The following ARHGAP32 variants were observed in gnomAD, a reference collection of about 807,000 sequenced individuals.
ARHGAP32 encodes Rho GTPase activating protein 32.
A neutral mutation model predicts 186.5 loss-of-function variants in ARHGAP32; 51 were observed. The ratio of observed to expected loss-of-function variants is 0.27; its 90% CI spans 0.22 to 0.35. The LOEUF (loss-of-function observed/expected upper bound fraction) is 0.35. Among genes scored for constraint, ARHGAP32 ranks in the 10% least tolerant of loss-of-function variants. The probability of loss-of-function intolerance (pLI) is 1.00; values close to 1 mark genes in which losing one functional copy is unlikely to be tolerated. For synonymous variants in ARHGAP32, 950 were observed against 964.3 expected, an observed-to-expected ratio of 0.99 and a Z score of 0.27; for missense variants, 2,186 against 2,623.5, an observed-to-expected ratio of 0.83 and a Z score of 3.64.
chr11:129,126,098 C>A, intron 2 of ARHGAP32: 2 of 254,798 alleles, frequency 7.8e-6, no homozygotes, highest in Non-Finnish European at 1.6e-5. Context: ...CCCTATCATA[C>A]TAGAAAAAAA....
chr11:129,229,274 A>C (rs1247200459), intron 1 of ARHGAP32, among the ~76,000 whole-genome samples: 1 of 152,232 alleles, frequency 6.6e-6, no homozygotes, highest in Non-Finnish European at 1.5e-5. Flanking sequence ...GTACTGACAG[A>C]AAACCAAAGG....
rs1945275225 is a variant in ARHGAP32 at position 128,968,792 on chromosome 11, T to G, written c.*115A>C. Reference sequence around the variant, plus strand: ...GATTTGTTTACTTTTATTATCATTTTTTAAATGTGGTCAGGGGTTTTATAG... The same window carrying G: ...GATTTGTTTACTTTTATTATCATTTGTTAAATGTGGTCAGGGGTTTTATAG... On this transcript the variant is annotated 3_prime_UTR_variant, in exon 23 of 23. Coordinates refer to ENST00000682385, the MANE Select transcript of ARHGAP32 (RefSeq NM_001378024.1). 4 of 840,342 alleles carry G rather than the reference T, an allele frequency of 4.8e-6. No homozygotes were observed. The highest frequency in any genetic ancestry group is 1.6e-6 in the Non-Finnish European group (1 of 610,846). The allele number at this position is 840,342 out of a possible 1,614,324, so 52.1% of individuals were successfully genotyped here. A position where few individuals can be genotyped will look rare whatever the true frequency, so the allele number is the denominator to read the frequency against.
chr11:129,235,605 A>G (rs1944918778), intron 1 of ARHGAP32, among the ~76,000 whole-genome samples: 1 of 152,142 alleles, frequency 6.6e-6, no homozygotes, highest in South Asian at 2.1e-4. Flanking sequence ...GCTTGGTTAC[A>G]TGAATAAATT....
At chr11:129,047,686 G>T (rs1231209360) in intron 10 of ARHGAP32, among the ~76,000 whole-genome samples, 1 of 151,722 alleles carries the variant, frequency 6.6e-6, no homozygotes, top group Non-Finnish European at 1.5e-5. Context: ...GTCCAGAAAT[G>T]CCAATTATTT....
chr11:129,009,417 C>T (rs1279922040), intron 11 of ARHGAP32, among the ~76,000 whole-genome samples: 1 of 152,116 alleles, frequency 6.6e-6, no homozygotes, highest in Non-Finnish European at 1.5e-5. Context: ...TGATGGTTTG[C>T]TGCACAGATC....
intron 12 of ARHGAP32, among the ~76,000 whole-genome samples, chr11:128,992,604 C>T (rs1946090819): frequency 6.6e-6 from 1 of 151,898 alleles, no homozygotes; most frequent in Admixed American, 6.6e-5. Context: ...TGGTGAAACC[C>T]TGTCTCTACC....
chr11:129,084,623 A>C (rs1446169804), intron 6 of ARHGAP32, among the ~76,000 whole-genome samples: 1 of 152,058 alleles, frequency 6.6e-6, no homozygotes, highest in East Asian at 1.9e-4. Context: ...TTCATAAAAA[A>C]CTCTCAGCAA....
chr11:129,016,214 T>C (rs1938331325), intron 11 of ARHGAP32, among the ~76,000 whole-genome samples: 1 of 152,220 alleles, frequency 6.6e-6, no homozygotes, highest in Non-Finnish European at 1.5e-5. Context: ...CCCATTTTTC[T>C]ATTTTGTTGT....
chr11:129,145,359 G>A (rs912753935), intron 2 of ARHGAP32, among the ~76,000 whole-genome samples: 1 of 115,748 alleles, frequency 8.6e-6, no homozygotes, highest in African/African-American at 2.9e-5. Flanking sequence ...TGGGAAAAGA[G>A]TATGAATAGA....
chr11:129,107,868 CAAAAAAAAA>C (rs71057924), intron 5 of ARHGAP32, among the ~76,000 whole-genome samples: 23 of 93,406 alleles, frequency 2.5e-4, no homozygotes, highest in Admixed American at 6.9e-4. Flanking sequence ...AACTATGTTT[CAAAAAAAAA>C]AAAAAAAAAA....
intron 10 of ARHGAP32, among the ~76,000 whole-genome samples, chr11:129,042,828 G>A (rs975278079): frequency 3.3e-5 from 5 of 152,202 alleles, no homozygotes; most frequent in African/African-American, 4.8e-5. Flanking sequence ...TGGAGACCTT[G>A]ATGCTATGAG....
chr11:129,193,223 A>C (rs1023598771), upstream of ARHGAP32, among the ~76,000 whole-genome samples: 2 of 145,044 alleles, frequency 1.4e-5, no homozygotes, highest in African/African-American at 5.1e-5. Flanking sequence ...TGTAATCCCA[A>C]CACTTTGAGA....
At chr11:129,152,281 T>C (rs976595812) in intron 2 of ARHGAP32, among the ~76,000 whole-genome samples, 1 of 152,200 alleles carries the variant, frequency 6.6e-6, no homozygotes, top group Non-Finnish European at 1.5e-5. Flanking sequence ...ACCAGATGTT[T>C]TCACAGCTGA....
intron 2 of ARHGAP32, among the ~76,000 whole-genome samples, chr11:129,150,445 G>C (rs1451250217): frequency 1.3e-5 from 2 of 152,058 alleles, no homozygotes; most frequent in African/African-American, 2.4e-5. Flanking sequence ...ACGAAAGAAA[G>C]AATCTTAAGA....
At chr11:129,061,886 T>G (rs1940517285) in intron 10 of ARHGAP32, among the ~76,000 whole-genome samples, 1 of 152,184 alleles carries the variant, frequency 6.6e-6, no homozygotes, top group Non-Finnish European at 1.5e-5. Context: ...AAAAGTAAGT[T>G]TACATAACAG....
chr11:129,069,323 A>ATGTAAAG (rs535429359), intron 6 of ARHGAP32, among the ~76,000 whole-genome samples: 28 of 152,220 alleles, frequency 1.8e-4, no homozygotes, highest in African/African-American at 6.3e-4. Context: ...AAATAAATCA[A>ATGTAAAG]TGTAAAGTGC....
chr11:129,152,640 T>C (rs999002141), intron 2 of ARHGAP32, among the ~76,000 whole-genome samples: 1 of 152,136 alleles, frequency 6.6e-6, no homozygotes, highest in South Asian at 2.1e-4. Context: ...AAAAATCATA[T>C]GATCATCTCA....
chr11:129,167,032 C>T (rs73019155), intron 1 of ARHGAP32, among the ~76,000 whole-genome samples: 6 of 150,810 alleles, frequency 4.0e-5, no homozygotes, highest in South Asian at 4.2e-4. Flanking sequence ...ACTAGAAGAA[C>T]GAGAAATAAA....
At chr11:128,988,267 C>A in intron 12 of ARHGAP32, 142 bp from the exon 13 acceptor site, 1 of 595,850 alleles carries the variant, frequency 1.7e-6, no homozygotes, top group African/African-American at 1.9e-5. Flanking sequence ...TAATCCACTA[C>A]AAAAAATGAT....
Sources: allele counts gnomAD v4.1 joint callset (sites outside exome capture counted in the v4.1 genomes callset), GRCh38; gene constraint gnomAD v4.1.1; transcripts MANE v1.5; gene names NCBI Gene and HGNC (gene_info 2026-07-23, HGNC 2026-07-21).